The following KDM6A variants were observed in gnomAD, a reference collection of about 807,000 sequenced individuals.
The protein encoded by KDM6A is lysine demethylase 6A, also known as lysine-specific demethylase 6A.
In KDM6A, 11 loss-of-function variants were observed where a neutral mutation model predicts 117.6. The observed-to-expected ratio is 0.09, with a 90% CI of 0.06 to 0.15. KDM6A has a LOEUF of 0.15. KDM6A is among the 10% of genes least tolerant of loss of function. The pLI is 1.00. For missense variants in KDM6A, 799 were observed against 1,077.3 expected (o/e 0.74, Z 3.62); for synonymous variants, 384 against 396.1 (o/e 0.97, Z 0.36).
chrX:45,053,200 G>A (rs948548903), intron 9 of KDM6A, among the ~76,000 whole-genome samples: 4 of 111,486 alleles, frequency 3.6e-5, no homozygotes, highest in Admixed American at 1.9e-4. Flanking sequence ...TTGGGAGGTC[G>A]TGGTGGGTGA....
intron 3 of KDM6A, among the ~76,000 whole-genome samples, chrX:44,972,697 A>G (rs2039417111): frequency 9.0e-6 from 1 of 111,377 alleles, no homozygotes; most frequent in African/African-American, 3.3e-5. Flanking sequence ...TGAACCAGGA[A>G]AATCTGGTCA....
intron 2 of KDM6A, among the ~76,000 whole-genome samples, chrX:44,929,030 G>T (rs1254184082): frequency 9.1e-6 from 1 of 110,403 alleles, no homozygotes; most frequent in Non-Finnish European, 1.9e-5. Flanking sequence ...TCCTGGGTTC[G>T]AGTGATTCTC....
chrX:44,987,112 A>G (rs1015232759), intron 4 of KDM6A, among the ~76,000 whole-genome samples: 18 of 111,709 alleles, frequency 1.6e-4, no homozygotes, highest in South Asian at 3.8e-4. Flanking sequence ...GGGTGCATAT[A>G]TATTTAGGAT....
intron 6 of KDM6A, among the ~76,000 whole-genome samples, chrX:45,021,801 TAA>T (rs1426891722): frequency 8.9e-6 from 1 of 111,762 alleles, no homozygotes; most frequent in African/African-American, 3.3e-5. Flanking sequence ...AGTCGAGGAA[TAA>T]GTTCCAGGGT....
At chrX:44,971,651 G>A (rs1240858100) in intron 3 of KDM6A, among the ~76,000 whole-genome samples, 1 of 111,276 alleles carries the variant, frequency 9.0e-6, no homozygotes, top group Non-Finnish European at 1.9e-5. Flanking sequence ...CACAGACAGA[G>A]GAGGCAGCCC....
intron 27 of KDM6A, among the ~76,000 whole-genome samples, chrX:45,106,380 A>T (rs979102324): frequency 1.8e-5 from 2 of 111,877 alleles, no homozygotes; most frequent in Non-Finnish European, 3.8e-5. Flanking sequence ...TATATTAAAT[A>T]TTTTAGTACT....
chrX:44,992,834 C>T (rs1643225367), intron 4 of KDM6A, among the ~76,000 whole-genome samples: 1 of 111,256 alleles, frequency 9.0e-6, no homozygotes, highest in Non-Finnish European at 1.9e-5. Context: ...TCATGAGCCA[C>T]CATGCCCGGC....
intron 27 of KDM6A, among the ~76,000 whole-genome samples, chrX:45,101,325 T>C (rs1569541312): frequency 8.9e-6 from 1 of 111,834 alleles, no homozygotes; most frequent in Non-Finnish European, 1.9e-5. Flanking sequence ...TTATGACTGT[T>C]ATGTGAGTCT....
chrX:45,061,161 T>G (rs1042264898), intron 14 of KDM6A, among the ~76,000 whole-genome samples, 163 bp from the exon 15 acceptor site: 1 of 111,916 alleles, frequency 8.9e-6, no homozygotes, highest in Admixed American at 9.5e-5. Flanking sequence ...TTTCTAAGTT[T>G]AATATGCATG....
chrX:45,048,278 A>G (rs1025399796), intron 8 of KDM6A, among the ~76,000 whole-genome samples: 22 of 110,798 alleles, frequency 2.0e-4, no homozygotes, highest in African/African-American at 7.2e-4. Flanking sequence ...CATAAGTTTA[A>G]TAATTTTTAT....
At chrX:45,053,570 C>A (rs1478321568) in intron 9 of KDM6A, among the ~76,000 whole-genome samples, 1 of 112,142 alleles carries the variant, frequency 8.9e-6, no homozygotes, top group Admixed American at 9.5e-5. Context: ...GATTTATAAT[C>A]TGTTATATCA....
intron 10 of KDM6A, among the ~76,000 whole-genome samples, chrX:45,057,843 T>G (rs188967358): frequency 2.0e-4 from 22 of 111,285 alleles, no homozygotes; most frequent in East Asian, 8.4e-4. Context: ...ATATGGTGTT[T>G]GGGCAAGTAA....
chrX:45,043,976 A>G (rs1458691445), intron 8 of KDM6A, among the ~76,000 whole-genome samples: 1 of 111,707 alleles, frequency 9.0e-6, no homozygotes, highest in Non-Finnish European at 1.9e-5. Context: ...GTTTTAACTG[A>G]ACCTTTTCTA....
At chrX:44,995,493 G>A (rs1010180572) in intron 4 of KDM6A, among the ~76,000 whole-genome samples, 3 of 109,747 alleles carry the variant, frequency 2.7e-5, no homozygotes, top group African/African-American at 6.7e-5. Flanking sequence ...TATTTGAGAC[G>A]GAGTCTTGCT....
At chrX:45,096,384 A>G (rs1392623638) in intron 27 of KDM6A, among the ~76,000 whole-genome samples, 1 of 111,768 alleles carries the variant, frequency 8.9e-6, no homozygotes, top group Non-Finnish European at 1.9e-5. Context: ...ATTGGTACCC[A>G]GGTTTGTGCT....
chrX:44,873,574 TCGCTACCGCCGC>T lies in KDM6A; in HGVS notation c.28_39del (p.Thr10_Ala13del), dbSNP rs769370817. 4.2e-6 allele frequency: 5 copies of T among 1,197,826 alleles called. No homozygotes were observed. Among genetic ancestry groups the T allele is most frequent in the Middle Eastern group, 2.4e-4 (1 of 4,163 alleles). On this transcript the variant is annotated inframe_deletion, in exon 1 of 30. Transcript: ENST00000611820. ...TCCATGAAATCCTGCGGAGTGTCGCTCGCTACCGCCGCCGCTGCCGCCGCCGCTTTCGGTGAT... is the reference window on the plus strand; with the variant it reads ...TCCATGAAATCCTGCGGAGTGTCGCTCGCTGCCGCCGCCGCTTTCGGTGAT...
chrX:45,053,440 C>A (rs1275245206), intron 9 of KDM6A, among the ~76,000 whole-genome samples: 2 of 111,025 alleles, frequency 1.8e-5, no homozygotes, highest in Admixed American at 9.5e-5. Flanking sequence ...CAGGAAAAAA[C>A]AAAAAACAAA....
intron 2 of KDM6A, among the ~76,000 whole-genome samples, chrX:44,901,118 C>T (rs1602114363): frequency 1.8e-5 from 2 of 111,541 alleles, no homozygotes; most frequent in East Asian, 2.8e-4. Flanking sequence ...CAGTGGCTCA[C>T]GCCTGTTATC....
At chrX:44,988,835 C>T (rs2040401125) in intron 4 of KDM6A, among the ~76,000 whole-genome samples, 1 of 110,965 alleles carries the variant, frequency 9.0e-6, no homozygotes, top group South Asian at 3.8e-4. Context: ...TGGTGCCTCC[C>T]AGTTAGGCTA....
Sources: gnomAD v4.1 joint callset for allele counts (sites outside exome capture counted in the v4.1 genomes callset) on GRCh38, gnomAD v4.1.1 for gene constraint, MANE v1.5 for transcripts, NCBI Gene and HGNC (gene_info 2026-07-23, HGNC 2026-07-21) for gene names.